IQGAP3: variants seen among roughly 807,000 people sequenced by gnomAD.
IQGAP3 encodes ras GTPase-activating-like protein IQGAP3.
IQGAP3 carries 165 observed loss-of-function variants against 208.2 expected under a neutral mutation model. The ratio of observed to expected loss-of-function variants is 0.79; its 90% CI spans 0.70 to 0.90. The LOEUF (loss-of-function observed/expected upper bound fraction) is 0.90, where lower values mean the gene tolerates loss of function less well. Among genes scored for constraint, IQGAP3 ranks in the 40% least tolerant of loss-of-function variants. The pLI, the probability that IQGAP3 is intolerant of heterozygous loss-of-function variation, is 0.00. For missense variants in IQGAP3, 1,811 were observed against 2,043.1 expected, an observed-to-expected ratio of 0.89 and a Z score of 2.19; for synonymous variants, 703 against 803.6, an observed-to-expected ratio of 0.87 and a Z score of 2.12.
Position 156,525,557 on chromosome 1 carries a change from G to C in IQGAP3, c.*929C>G, listed in dbSNP as rs997417358. On this transcript the variant is annotated 3_prime_UTR_variant, in exon 38 of 38. Coordinates refer to ENST00000361170, the MANE Select transcript of IQGAP3 (RefSeq NM_178229.5). The stretch of plus-strand genomic sequence containing the variant: ...CAGCTGTAAGGGATGAGAATCCTGA[G>C]GGTAAAAGAGAAAAGGGAAAGACTC... The C allele has an allele frequency of 6.6e-6, 1 of 152,398 alleles. No homozygotes were observed. The highest frequency in any genetic ancestry group is 1.5e-5 in the Non-Finnish European group (1 of 68,000). The allele number at this position is 152,398 out of a possible 1,614,324, so 9.4% of individuals were successfully genotyped here.
At chr1:156,553,368 A>G (rs1382477622) in intron 13 of IQGAP3, among the ~76,000 whole-genome samples, 1 of 152,140 alleles carries the variant, frequency 6.6e-6, no homozygotes, top group Non-Finnish European at 1.5e-5. Context: ...TTCTTTGAAC[A>G]CACCATGCAC....
intron 22 of IQGAP3, among the ~76,000 whole-genome samples, chr1:156,542,535 A>G (rs1482660885): frequency 6.6e-6 from 1 of 152,202 alleles, no homozygotes; most frequent in East Asian, 1.9e-4. Flanking sequence ...GGCCAAGACA[A>G]TTCATGGCAT....
intron 11 of IQGAP3, among the ~76,000 whole-genome samples, chr1:156,559,983 G>A (rs538068422): frequency 2.6e-5 from 4 of 152,276 alleles, no homozygotes; most frequent in African/African-American, 9.6e-5. Context: ...AGTCAGGAGT[G>A]GCCCGGGGGC....
At chr1:156,557,457 T>C (rs1484286401) in intron 11 of IQGAP3, among the ~76,000 whole-genome samples, 2 of 11,912 alleles carry the variant, frequency 1.7e-4, no homozygotes, top group African/African-American at 2.9e-4. Context: ...GCCCCCCGCC[T>C]GGCCAGCCAC....
At chr1:156,565,927 T>A (rs562771733) in intron 4 of IQGAP3, 100 bp downstream of exon 4, 1 of 889,066 alleles carries the variant, frequency 1.1e-6, no homozygotes, top group South Asian at 1.4e-5. Context: ...AGAAGACACA[T>A]GGAAATAGGG....
chr1:156,527,057 T>A lies in IQGAP3; in HGVS notation c.4783-458A>T, dbSNP rs1197722257. On this transcript the variant is annotated intron_variant, in intron 37 of 37. Transcript: ENST00000361170. ...TATATTGGCCAGGCTGGTCTTGAAC[T>A]GCTGACCTCGTGATCCGCCCGCCTC... 6.0e-5 allele frequency among the ~76,000 whole-genome samples: 9 copies of A among 151,180 alleles called. No homozygotes were observed. The South Asian group carries it at 1.9e-3, about 32-fold the overall frequency.
chr1:156,536,006 T>C (rs1674668611), intron 27 of IQGAP3, among the ~76,000 whole-genome samples: 2 of 152,256 alleles, frequency 1.3e-5, no homozygotes, highest in Non-Finnish European at 2.9e-5. Context: ...ATGTGCCACC[T>C]ACAAATGTAA....
chr1:156,531,188 A>G lies in IQGAP3; in HGVS notation c.4163T>C (p.Ile1388Thr), dbSNP rs1471427198. 6.2e-7 allele frequency: 1 copy of G among 1,613,718 alleles called. No homozygotes were observed. Among genetic ancestry groups the G allele is most frequent in the Non-Finnish European group, 8.5e-7 (1 of 1,179,830 alleles). Reference sequence around the variant, plus strand: ...CTCTCTGGAAGCCGAGAGGGACAGGATCTCCTTGAGGGTGTCCCCAGGATG... The same window carrying G: ...CTCTCTGGAAGCCGAGAGGGACAGGGTCTCCTTGAGGGTGTCCCCAGGATG... Reference protein sequence around the residue: ...QFHPGDTLKEILSLSASREQE... With the variant: ...QFHPGDTLKETLSLSASREQE... Residue 1388 changes from isoleucine to threonine, a missense_variant, in exon 33 of 38, where the codon ATC becomes ACC. Transcript: ENST00000361170.
Position 156,534,215 on chromosome 1 carries a change from C to T in IQGAP3, c.3741-74G>A, listed in dbSNP as rs1454003259. On this transcript the variant is annotated intron_variant, in intron 29 of 37. Coordinates refer to ENST00000361170, the MANE Select transcript of IQGAP3 (RefSeq NM_178229.5). ...CACATCTTCTGTCCCCATCATTTCC[C>T]CAGCCTTCTCCAGTGATTGCTCAGG... 8.1e-6 allele frequency: 13 copies of T among 1,595,878 alleles called. No homozygotes were observed. The African/African-American group carries it at 1.5e-4, about 18-fold the overall frequency.
intron 7 of IQGAP3, 93 bp downstream of exon 7, chr1:156,563,460 A>G: frequency 1.5e-6 from 2 of 1,320,856 alleles, no homozygotes; most frequent in Non-Finnish European, 2.1e-6. Context: ...TCTGTGGATG[A>G]GAGCTGGCCA....
At chr1:156,545,607 C>T (rs1675205041) in intron 19 of IQGAP3, among the ~76,000 whole-genome samples, 1 of 151,690 alleles carries the variant, frequency 6.6e-6, no homozygotes, top group Non-Finnish European at 1.5e-5. Flanking sequence ...TCAAGTGATC[C>T]TCCTGCCTCA....
At chr1:156,546,581 C>T (rs1557930897) in intron 19 of IQGAP3, among the ~76,000 whole-genome samples, 1 of 152,124 alleles carries the variant, frequency 6.6e-6, no homozygotes, top group Admixed American at 6.5e-5. Context: ...CATAATGGCT[C>T]CCATCAACGG....
Position 156,562,676 on chromosome 1 carries a change from T to G in IQGAP3, c.799-11A>C. 6.2e-7 allele frequency: 1 copy of G among 1,611,884 alleles called. No individual in the cohort carries two copies. Among genetic ancestry groups the G allele is most frequent in the South Asian group, 1.1e-5 (1 of 91,026 alleles). On this transcript the variant is annotated splice_polypyrimidine_tract_variant and intron_variant, in intron 8 of 37. Coordinates refer to ENST00000361170, the MANE Select transcript of IQGAP3 (RefSeq NM_178229.5). Reference sequence around the variant, plus strand: ...GCTTTCTCTGTCATCCTGCAAAAACTCCATTGAAAGGGAACCTGGGAAACC... The same window carrying G: ...GCTTTCTCTGTCATCCTGCAAAAACGCCATTGAAAGGGAACCTGGGAAACC...
At chr1:156,529,299 G>C (rs1171565) in intron 34 of IQGAP3, among the ~76,000 whole-genome samples, 49,328 of 152,166 alleles carry the variant, frequency 0.32, 9,834 homozygotes, top group East Asian at 0.56. Context: ...TTTCAAGGCT[G>C]TTTGTTTTTT....
In IQGAP3 at chr1:156,548,150, C is replaced by T; in HGVS notation, c.2227G>A (p.Gly743Ser). 5 of 1,614,034 alleles carry T rather than the reference C, an allele frequency of 3.1e-6. No homozygotes were observed. Among genetic ancestry groups the T allele is most frequent in the Non-Finnish European group, 4.2e-6 (5 of 1,179,974 alleles). The change falls in exon 19 of 38, where the codon GGC becomes AGC. Residue 743 changes from glycine to serine, a missense_variant. Coordinates refer to ENST00000361170, the MANE Select transcript of IQGAP3 (RefSeq NM_178229.5). The part of the protein sequence containing the change: ...FVIQLQARLR[G>S]FLVRQKFAEH... ...GCAAACTTCTGCCGAACTAGGAAGC[C>T]ACGGAGGCGGGCCTGGAGCTGGATA...
intron 35 of IQGAP3, 113 bp from the exon 36 acceptor site, chr1:156,528,723 G>T: frequency 1.9e-6 from 2 of 1,042,718 alleles, no homozygotes; most frequent in Non-Finnish European, 1.4e-6. Flanking sequence ...TCTCACTGAT[G>T]GAAGACAGAG....
intron 1 of IQGAP3, among the ~76,000 whole-genome samples, chr1:156,570,584 C>G (rs192539683): frequency 4.1e-4 from 63 of 152,274 alleles, no homozygotes; most frequent in Admixed American, 2.9e-3. Flanking sequence ...AGTAGTGCAG[C>G]CTTGACCTCC....
chr1:156,563,310 G>A lies in IQGAP3; in HGVS notation c.622C>T (p.His208Tyr). The change falls in exon 8 of 38, where the codon CAT becomes TAT. Residue 208 changes from histidine (H) to tyrosine (Y), a missense_variant and splice_region_variant. Physicochemically the swap from His to Tyr is moderately conservative, Grantham distance 83 (BLOSUM62 2). Coordinates refer to ENST00000361170, the MANE Select transcript of IQGAP3 (RefSeq NM_178229.5). ...NELSVDEAAV[H>Y]AAVLAINEAV... ...TCATTGATGGCAAGAACAGCTGCATGGACTGGGAGAGGGCATGGAAACAAG... is the reference window on the plus strand; with the variant it reads ...TCATTGATGGCAAGAACAGCTGCATAGACTGGGAGAGGGCATGGAAACAAG... 1.3e-6 allele frequency: 2 copies of A among 1,590,780 alleles called. No homozygotes were observed. Among genetic ancestry groups the A allele is most frequent in the South Asian group, 2.2e-5 (2 of 88,940 alleles).
At chr1:156,564,428 T>TGC (rs1676309090) in intron 5 of IQGAP3, among the ~76,000 whole-genome samples, 187 bp downstream of exon 5, 3 of 152,292 alleles carry the variant, frequency 2.0e-5, no homozygotes, top group Admixed American at 6.5e-5. Context: ...ACACAGGCCA[T>TGC]ACATAAATGT....
Sources: allele counts gnomAD v4.1 joint callset (sites outside exome capture counted in the v4.1 genomes callset), GRCh38; gene constraint gnomAD v4.1.1; transcripts MANE v1.5; gene names NCBI Gene and HGNC (gene_info 2026-07-23, HGNC 2026-07-21).